LAMA3: variants seen among roughly 807,000 people sequenced by gnomAD.
LAMA3 encodes the protein laminin subunit alpha 3.
A neutral mutation model predicts 402.0 loss-of-function variants in LAMA3; 281 were observed. The observed-to-expected ratio is 0.70, with a 90% CI of 0.63 to 0.77. LAMA3 has a LOEUF of 0.77. Ranked by LOEUF, LAMA3 falls within the 30% of genes least tolerant of loss-of-function variation. The pLI, the probability that LAMA3 is intolerant of heterozygous loss-of-function variation, is 0.00. For synonymous variants in LAMA3, 1,431 were observed against 1,558.4 expected (o/e 0.92, Z 1.93); for missense variants, 3,840 against 4,215.5 (o/e 0.91, Z 2.47).
chr18:23,877,023 A>G (rs530442080), intron 39 of LAMA3, among the ~76,000 whole-genome samples: 59 of 152,314 alleles, frequency 3.9e-4, no homozygotes, highest in Non-Finnish European at 7.8e-4. Context: ...CTCGGTCTGC[A>G]TTCCATCCAC....
chr18:23,786,725 A>G (rs1035017973), intron 12 of LAMA3, among the ~76,000 whole-genome samples: 3 of 152,250 alleles, frequency 2.0e-5, no homozygotes, highest in Non-Finnish European at 4.4e-5. Context: ...TGTATAGAAG[A>G]CTAAAGGAAA....
intron 1 of LAMA3, among the ~76,000 whole-genome samples, chr18:23,708,036 G>A (rs2060922801): frequency 6.6e-6 from 1 of 152,144 alleles, no homozygotes; most frequent in African/African-American, 2.4e-5. Context: ...TACTATGAGA[G>A]TTTGAAGTTT....
chr18:23,823,193 C>T (rs1465633141), intron 20 of LAMA3, among the ~76,000 whole-genome samples: 1 of 152,166 alleles, frequency 6.6e-6, no homozygotes, highest in Non-Finnish European at 1.5e-5. Flanking sequence ...AGCAGGCTTA[C>T]TTCATCATTC....
chr18:23,707,493 C>T (rs1175583167), intron 1 of LAMA3, among the ~76,000 whole-genome samples: 1 of 152,150 alleles, frequency 6.6e-6, no homozygotes, highest in Non-Finnish European at 1.5e-5. Flanking sequence ...CAAACAGCAT[C>T]CACCTTTTGA....
Position 23,928,255 on chromosome 18 carries a change from A to G in LAMA3, c.8295+15A>G, listed in dbSNP as rs1341792957. On this transcript the variant is annotated intron_variant, in intron 63 of 74. Transcript: ENST00000313654. Reference sequence around the variant, plus strand: ...AAGACTGGAAGGTAAGTGAAAGTTCAGAACCTCGTGAAGGAGTGCTTCCCA... The same window carrying G: ...AAGACTGGAAGGTAAGTGAAAGTTCGGAACCTCGTGAAGGAGTGCTTCCCA... The G allele has an allele frequency of 1.3e-6, 2 of 1,525,574 alleles. No homozygotes were observed. Among genetic ancestry groups the G allele is most frequent in the Non-Finnish European group, 1.8e-6 (2 of 1,099,604 alleles). The allele number at this position is 1,525,574 out of a possible 1,614,324, so 94.5% of individuals were successfully genotyped here.
chr18:23,734,623 A>AG (rs1255269114), intron 2 of LAMA3, among the ~76,000 whole-genome samples: 1 of 152,224 alleles, frequency 6.6e-6, no homozygotes, highest in Admixed American at 6.5e-5. Context: ...GGAATGGAGC[A>AG]GAAAAAAAGC....
chr18:23,825,466 T>G (rs2063363332), intron 21 of LAMA3, among the ~76,000 whole-genome samples: 2 of 152,206 alleles, frequency 1.3e-5, no homozygotes. Flanking sequence ...ATTCCAATCC[T>G]GTCTCTTCCA....
chr18:23,758,333 A>G (rs1182482001), intron 6 of LAMA3, 63 bp from the exon 7 acceptor site: 7 of 1,215,180 alleles, frequency 5.8e-6, no homozygotes, highest in Non-Finnish European at 8.4e-6. Flanking sequence ...TTCGCACTAT[A>G]GGATCAACTG....
chr18:23,836,277 A>G (rs2063580175), intron 24 of LAMA3, among the ~76,000 whole-genome samples: 1 of 152,206 alleles, frequency 6.6e-6, no homozygotes, highest in Non-Finnish European at 1.5e-5. Context: ...TATTTCAAAT[A>G]TTTCTCAGAA....
intron 12 of LAMA3, among the ~76,000 whole-genome samples, chr18:23,803,186 A>G (rs1381449135): frequency 1.3e-5 from 2 of 152,232 alleles, no homozygotes; most frequent in Non-Finnish European, 2.9e-5. Flanking sequence ...GTCCATTCCA[A>G]TAAGAACAAA....
At chr18:23,806,817 A>G (rs952909573) in intron 12 of LAMA3, among the ~76,000 whole-genome samples, 3 of 152,208 alleles carry the variant, frequency 2.0e-5, no homozygotes, top group East Asian at 3.8e-4. Context: ...ATTTCTTTCT[A>G]GGAAGGCATA....
chr18:23,925,140 G>T (rs2081967849), intron 62 of LAMA3, among the ~76,000 whole-genome samples: 1 of 152,164 alleles, frequency 6.6e-6, no homozygotes, highest in Non-Finnish European at 1.5e-5. Flanking sequence ...GAGGTGTTCT[G>T]GTCCCTGGCA....
At chr18:23,692,490 T>C (rs967903600) in intron 1 of LAMA3, among the ~76,000 whole-genome samples, 2 of 152,190 alleles carry the variant, frequency 1.3e-5, no homozygotes, top group Non-Finnish European at 2.9e-5. Flanking sequence ...CAGGCTGGTC[T>C]CGAACTACTG....
chr18:23,733,709 C>G (rs2061429881), intron 2 of LAMA3, among the ~76,000 whole-genome samples: 1 of 152,134 alleles, frequency 6.6e-6, no homozygotes, highest in Admixed American at 6.5e-5. Context: ...CCAGTTATCC[C>G]AGTTTGCCTG....
intron 55 of LAMA3, 80 bp from the exon 56 acceptor site, chr18:23,912,631 C>A (rs993443133): frequency 2.6e-6 from 3 of 1,162,792 alleles, no homozygotes; most frequent in Non-Finnish European, 3.9e-6. Context: ...TACATGGCTA[C>A]GAGTCACAAA....
intron 64 of LAMA3, among the ~76,000 whole-genome samples, chr18:23,929,132 C>A (rs2082090382): frequency 6.6e-6 from 1 of 152,146 alleles, no homozygotes; most frequent in Admixed American, 6.5e-5. Context: ...CCTATGATTT[C>A]TTTTTGATTG....
Position 23,693,699 on chromosome 18 carries a change from TATC to T in LAMA3, c.294+3724_294+3726del, listed in dbSNP as rs1261934285. On this transcript the variant is annotated intron_variant, in intron 1 of 74. Coordinates refer to ENST00000313654, the MANE Select transcript of LAMA3 (RefSeq NM_198129.4). ...ATATTATTTGTTTAAAGATACTTCT[TATC>T]AGCTCAAATAATATTTTGGGGGGAG... is the stretch of plus-strand genomic sequence containing the variant. Among the ~76,000 whole-genome samples the T allele has an allele frequency of 3.3e-5, 5 of 152,332 alleles. No homozygotes were observed. The East Asian group carries it at 7.7e-4, about 23-fold the overall frequency.
At chr18:23,735,876 T>C (rs1355205234) in intron 2 of LAMA3, among the ~76,000 whole-genome samples, 2 of 152,012 alleles carry the variant, frequency 1.3e-5, no homozygotes, top group Non-Finnish European at 2.9e-5. Flanking sequence ...AAGAGCCACA[T>C]GGGCTGCCCG....
chr18:23,912,123 CATATAG>C (rs896183822), intron 55 of LAMA3, among the ~76,000 whole-genome samples: 4 of 134,194 alleles, frequency 3.0e-5, no homozygotes, highest in Non-Finnish European at 3.1e-5. Flanking sequence ...TATATAAAAA[CATATAG>C]ATATATATAG....
Sources: gnomAD v4.1 joint callset for allele counts (sites outside exome capture counted in the v4.1 genomes callset) on GRCh38, gnomAD v4.1.1 for gene constraint, MANE v1.5 for transcripts, NCBI Gene and HGNC (gene_info 2026-07-23, HGNC 2026-07-21) for gene names.